Variants in ARV1 observed in about 807,000 individuals in gnomAD.
The protein encoded by ARV1 is protein ARV1.
In ARV1, 26 loss-of-function variants were observed where a neutral mutation model predicts 31.1. The observed-to-expected ratio is 0.84, with a 90% CI of 0.61 to 1.16. ARV1 has a LOEUF of 1.16. ARV1 is among the 50% of genes most tolerant of loss of function. The pLI is 0.00. For missense variants in ARV1, 281 were observed against 324.9 expected, an observed-to-expected ratio of 0.86 and a Z score of 1.04; for synonymous variants, 117 against 123.2, an observed-to-expected ratio of 0.95 and a Z score of 0.34.
chr1:230,998,631 C>T (rs534082261), intron 5 of ARV1, among the ~76,000 whole-genome samples: 56 of 151,974 alleles, frequency 3.7e-4, no homozygotes, highest in Non-Finnish European at 6.0e-4. Flanking sequence ...GAGAGCAGGG[C>T]ACAGTGGCTC....
intron 1 of ARV1, chr1:230,979,517 G>A (rs1365263245): frequency 2.0e-6 from 1 of 502,416 alleles, no homozygotes. Flanking sequence ...CCGACAGACA[G>A]AGGTAGATGT....
intron 3 of ARV1, among the ~76,000 whole-genome samples, chr1:230,994,219 A>G (rs1679303067): frequency 6.6e-6 from 1 of 152,180 alleles, no homozygotes; most frequent in Non-Finnish European, 1.5e-5. Context: ...TAAATCCTAA[A>G]TTTAAAAGAT....
At chr1:230,994,117 C>T (rs904093943) in intron 3 of ARV1, among the ~76,000 whole-genome samples, 19 of 152,322 alleles carry the variant, frequency 1.2e-4, no homozygotes, top group African/African-American at 4.1e-4. Flanking sequence ...CAGTGTTTTC[C>T]ACACTGGAGT....
intron 1 of ARV1, among the ~76,000 whole-genome samples, chr1:230,983,892 T>C (rs1038175875): frequency 6.6e-6 from 1 of 152,194 alleles, no homozygotes; most frequent in Admixed American, 6.5e-5. Flanking sequence ...TACTTGCCTA[T>C]AAAGTAGTAA....
rs730882241 is a variant in ARV1, at chr1:230,995,876, G to A, written c.565G>A (p.Gly189Arg). Residue 189 changes from glycine (G) to arginine (R), a missense_variant, in exon 4 of 6, where the codon GGA becomes AGA. Coordinates refer to ENST00000310256, the MANE Select transcript of ARV1 (RefSeq NM_022786.3). ...LLKALLLSSY[G>R]KLLLIPAVIW... ...GAAAGCATTATTATTATCTAGCTAC[G>A]GAAAACTCTTGCTGATTCCAGCTGT... 10 of 1,613,696 alleles carry A rather than the reference G, an allele frequency of 6.2e-6. No homozygotes were observed. The highest frequency in any genetic ancestry group is 4.0e-5 in the African/African-American group (3 of 74,840).
intron 1 of ARV1, among the ~76,000 whole-genome samples, chr1:230,984,343 CGT>C (rs374689782): frequency 0.06 from 7,206 of 119,240 alleles, 500 homozygotes; most frequent in African/African-American, 0.17. Context: ...TTGTTTGTTT[CGT>C]GTGTGTGTGT....
At chr1:230,990,591 G>T (rs1459940302) in intron 3 of ARV1, 7 of 289,718 alleles carry the variant, frequency 2.4e-5, no homozygotes, top group Admixed American at 1.9e-4. Context: ...GTCTCACTCT[G>T]TTGCCTAGGC....
At chr1:230,986,257 C>T (rs951760098) in intron 1 of ARV1, among the ~76,000 whole-genome samples, 14 of 152,048 alleles carry the variant, frequency 9.2e-5, no homozygotes, top group Admixed American at 1.3e-4. Flanking sequence ...GGTAACAGCA[C>T]GTCTCCCTTC....
At chr1:230,989,814 C>T (rs1217017652) in intron 2 of ARV1, among the ~76,000 whole-genome samples, 2 of 152,152 alleles carry the variant, frequency 1.3e-5, no homozygotes, top group Non-Finnish European at 2.9e-5. Context: ...TAGGGGTGCA[C>T]ATTAGAATCC....
At chr1:230,989,495 A>T (rs892813473) in intron 2 of ARV1, among the ~76,000 whole-genome samples, 1 of 152,208 alleles carries the variant, frequency 6.6e-6, no homozygotes, top group Non-Finnish European at 1.5e-5. Context: ...CATAGAAAAA[A>T]GCCAATTTTT....
chr1:230,991,824 T>C (rs1679236789), intron 3 of ARV1, among the ~76,000 whole-genome samples: 1 of 152,014 alleles, frequency 6.6e-6, no homozygotes, highest in Admixed American at 6.6e-5. Flanking sequence ...TAGAGACGGC[T>C]TCACCATGTT....
At chr1:230,986,384 C>T (rs74143530) in intron 1 of ARV1, among the ~76,000 whole-genome samples, 3 of 152,210 alleles carry the variant, frequency 2.0e-5, no homozygotes, top group East Asian at 1.9e-4. Context: ...ATTGCAGGGT[C>T]GGTATTCTTC....
chr1:230,990,311 A>G (rs1270605519), intron 3 of ARV1, 48 bp downstream of exon 3: 2 of 1,600,288 alleles, frequency 1.2e-6, no homozygotes, highest in African/African-American at 2.7e-5. Flanking sequence ...TTCTTACTTA[A>G]CTAATCTGGT....
chr1:230,985,686 CT>C (rs1450365359), intron 1 of ARV1, among the ~76,000 whole-genome samples: 3 of 152,130 alleles, frequency 2.0e-5, no homozygotes, highest in Admixed American at 6.6e-5. Context: ...GGACCCCTGA[CT>C]TTTTAGGGTT....
At chr1:230,990,064 A>G (rs2103050516) in intron 2 of ARV1, 46 bp from the exon 3 acceptor site, 26 of 1,558,706 alleles carry the variant, frequency 1.7e-5, no homozygotes, top group Middle Eastern at 3.4e-4. Flanking sequence ...TACTAGTGCA[A>G]CTGGGTTTCC....
At chr1:230,992,238 A>G (rs1241271316) in intron 3 of ARV1, among the ~76,000 whole-genome samples, 5 of 152,022 alleles carry the variant, frequency 3.3e-5, no homozygotes, top group African/African-American at 1.2e-4. Flanking sequence ...GTCATCTCCC[A>G]TGTCTACTCT....
chr1:230,981,742 A>G (rs1055220797), intron 1 of ARV1, among the ~76,000 whole-genome samples: 1 of 152,198 alleles, frequency 6.6e-6, no homozygotes, highest in African/African-American at 2.4e-5. Flanking sequence ...CTCAGAGTTA[A>G]GGCCTGAATC....
rs558443312 is a variant in ARV1, at chr1:230,979,227, C to T, written c.122C>T (p.Ala41Val). 6.2e-7 allele frequency: 1 copy of T among 1,613,496 alleles called. No homozygotes were observed. The highest frequency in any genetic ancestry group is 1.7e-5 in the Admixed American group (1 of 59,942). ...AGGTGCATCGAATGCAACCAGGAGGCCAAAGAGTTGTACCGAGACTATAAC... is the reference window on the plus strand; with the variant it reads ...AGGTGCATCGAATGCAACCAGGAGGTCAAAGAGTTGTACCGAGACTATAAC... Reference protein sequence around the residue: ...QYRCIECNQEAKELYRDYNHG... With the variant: ...QYRCIECNQEVKELYRDYNHG... Residue 41 changes from alanine to valine, a missense_variant, in exon 1 of 6, where the codon GCC becomes GTC. Physicochemically the swap from Ala to Val is moderately conservative, Grantham distance 64. Coordinates refer to ENST00000310256, the MANE Select transcript of ARV1 (RefSeq NM_022786.3).
intron 4 of ARV1, 149 bp downstream of exon 4, chr1:230,996,133 A>T: frequency 1.6e-6 from 1 of 640,460 alleles, no homozygotes; most frequent in Non-Finnish European, 2.7e-6. Context: ...ATAGCACCTT[A>T]TACATAGCAG....
Sources: gnomAD v4.1 joint callset for allele counts (sites outside exome capture counted in the v4.1 genomes callset) on GRCh38, gnomAD v4.1.1 for gene constraint, MANE v1.5 for transcripts, NCBI Gene and HGNC (gene_info 2026-07-23, HGNC 2026-07-21) for gene names.